Variants in ABCA4 observed in about 807,000 individuals in gnomAD.
The protein encoded by ABCA4 is ATP binding cassette subfamily A member 4, also known as retinal-specific phospholipid-transporting ATPase ABCA4.
ABCA4 carries 196 observed loss-of-function variants against 263.7 expected under a neutral mutation model. The ratio of observed to expected loss-of-function variants is 0.74; its 90% CI spans 0.66 to 0.84. The LOEUF (loss-of-function observed/expected upper bound fraction) is 0.84, where lower values mean the gene tolerates loss of function less well. Among genes scored for constraint, ABCA4 ranks in the 40% least tolerant of loss-of-function variants. The pLI, the probability that ABCA4 is intolerant of heterozygous loss-of-function variation, is 0.00. For missense variants in ABCA4, 2,792 were observed against 2,855.1 expected, an observed-to-expected ratio of 0.98 and a Z score of 0.50; for synonymous variants, 1,133 against 1,094.2, an observed-to-expected ratio of 1.04 and a Z score of -0.70.
intron 37 of ABCA4, among the ~76,000 whole-genome samples, 191 bp downstream of exon 37, chr1:94,015,548 T>C (rs1187447757): frequency 1.3e-5 from 2 of 152,208 alleles, no homozygotes; most frequent in East Asian, 3.9e-4. Context: ...GAGATACCTC[T>C]GTCAGTGGAG....
chr1:94,018,446 GT>G, intron 36 of ABCA4: 1 of 413,290 alleles, frequency 2.4e-6, no homozygotes, highest in Non-Finnish European at 4.8e-6. Flanking sequence ...GTGTTTCCTC[GT>G]GTAGACAGAA....
chr1:94,007,348 G>T (rs1659419293), intron 43 of ABCA4, among the ~76,000 whole-genome samples: 1 of 152,192 alleles, frequency 6.6e-6, no homozygotes, highest in African/African-American at 2.4e-5. Flanking sequence ...TGCTTAAAAG[G>T]TTCCGTGACC....
chr1:94,029,001 AT>A (rs1390959218), intron 30 of ABCA4, among the ~76,000 whole-genome samples: 1 of 151,580 alleles, frequency 6.6e-6, no homozygotes, highest in Non-Finnish European at 1.5e-5. Flanking sequence ...ACATGGATGC[AT>A]GTTCCTAGTA....
chr1:94,008,246 G>T lies in ABCA4; in HGVS notation c.5887C>A (p.Arg1963Ser). 4 of 1,614,120 alleles carry T rather than the reference G, an allele frequency of 2.5e-6. No individual in the cohort carries two copies. In the East Asian group the frequency reaches 6.7e-5, roughly 27 times the overall value. The change falls in exon 42 of 50, where the codon CGC becomes AGC. Residue 1963 changes from arginine (R) to serine (S), a missense_variant. Transcript: ENST00000370225. ...TGCAGAGTACCCACCTCTCCAGGGC[G>T]AACTCCGACACACAGCCTGTCCACT... Reference protein sequence around the residue: ...PAVDRLCVGVRPGECFGLLGV... With the variant: ...PAVDRLCVGVSPGECFGLLGV...
intron 26 of ABCA4, among the ~76,000 whole-genome samples, chr1:94,033,908 C>T (rs1660273635): frequency 6.6e-6 from 1 of 152,066 alleles, no homozygotes; most frequent in Admixed American, 6.5e-5. Flanking sequence ...ATCCCTACTG[C>T]CCCTCCTCTT....
intron 27 of ABCA4, among the ~76,000 whole-genome samples, chr1:94,031,324 G>A (rs941006660): frequency 2.0e-5 from 3 of 152,200 alleles, no homozygotes; most frequent in Non-Finnish European, 1.5e-5. Context: ...TGTTCTGGTG[G>A]CCACTGAAGA....
intron 38 of ABCA4, among the ~76,000 whole-genome samples, chr1:94,013,287 C>T (rs1659603849): frequency 6.6e-6 from 1 of 152,140 alleles, no homozygotes; most frequent in Non-Finnish European, 1.5e-5. Context: ...ACAGATGAGG[C>T]TTCGTTACTT....
chr1:94,111,932 C>T (rs757919645), intron 2 of ABCA4, among the ~76,000 whole-genome samples: 4 of 152,212 alleles, frequency 2.6e-5, no homozygotes, highest in Non-Finnish European at 5.9e-5. Flanking sequence ...CTTGAGCAGA[C>T]GCTCGTCTAT....
chr1:94,044,467 G>A, intron 20 of ABCA4, 146 bp downstream of exon 20: 1 of 1,218,418 alleles, frequency 8.2e-7, no homozygotes, highest in Admixed American at 2.0e-5. Flanking sequence ...TAGGACAAAG[G>A]ACTTTAAACA....
At chr1:94,081,056 C>G in intron 7 of ABCA4, among the ~76,000 whole-genome samples, 1 of 152,078 alleles carries the variant, frequency 6.6e-6, no homozygotes, top group East Asian at 1.9e-4. Flanking sequence ...AACCCCGTCT[C>G]TATTAAAAAT....
In ABCA4 at chr1:94,060,591, C is replaced by T. The variant is rs781359355; in HGVS notation, c.2106G>A (p.Leu702=). The change falls in exon 14 of 50, where the codon CTG becomes CTA. Residue 702 remains leucine, a synonymous_variant. Coordinates refer to ENST00000370225, the MANE Select transcript of ABCA4 (RefSeq NM_000350.3). ...SNAVIWCTWF[L]DSFSIMSMSI... is the part of the protein sequence containing the mutation. ...TCATCGACATGATGGAGAAGCTGTC[C>T]AGGAACCAGGTACACCAAATCACTG... 1.1e-5 allele frequency: 18 copies of T among 1,614,026 alleles called. No individual in the cohort carries two copies. Among genetic ancestry groups the T allele is most frequent in the East Asian group, 2.2e-5 (1 of 44,886 alleles).
chr1:94,098,890 C>A lies in ABCA4; in HGVS notation c.672G>T (p.Thr224=). 6.2e-7 allele frequency: 1 copy of A among 1,614,024 alleles called. No homozygotes were observed. Among genetic ancestry groups the A allele is most frequent in the Non-Finnish European group, 8.5e-7 (1 of 1,180,008 alleles). ...AGAGGGAGCACAGGGCATAGCGCAC[C>A]GTCTTTGCCCCGCGTCTCTGGCTGA... is the stretch of plus-strand genomic sequence containing the variant. ...IIFSQRRGAK[T]VRYALCSLSQ... The change falls in exon 6 of 50, where the codon ACG becomes ACT. Residue 224 remains threonine (T), a synonymous_variant. Transcript: ENST00000370225.
intron 5 of ABCA4, among the ~76,000 whole-genome samples, chr1:94,101,941 C>T (rs918579904): frequency 2.6e-5 from 4 of 152,186 alleles, no homozygotes; most frequent in African/African-American, 9.7e-5. Context: ...TCCTAACAAG[C>T]TCCCAGGCAT....
chr1:94,057,624 C>T (rs1661017082), intron 14 of ABCA4, among the ~76,000 whole-genome samples: 1 of 152,180 alleles, frequency 6.6e-6, no homozygotes. Flanking sequence ...ATTGATCCTC[C>T]CCATCCATGA....
At chr1:94,102,981 C>T (rs1236482989) in intron 5 of ABCA4, 34 bp downstream of exon 5, 2 of 1,613,946 alleles carry the variant, frequency 1.2e-6, no homozygotes, top group Admixed American at 1.7e-5. Flanking sequence ...CTTCCCTCCC[C>T]TCCAGGGACC....
chr1:94,042,908 C>A lies in ABCA4; in HGVS notation c.3191-10G>T. ...TTTCTCTGCATGCCACCTGGAGGCA[C>A]AAGAAGGACGGGAGAGTTAAGGGGC... On this transcript the variant is annotated splice_polypyrimidine_tract_variant and intron_variant, in intron 21 of 49. Transcript: ENST00000370225. 1.2e-6 allele frequency: 2 copies of A among 1,614,142 alleles called. No individual in the cohort carries two copies. The highest frequency in any genetic ancestry group is 1.3e-5 in the African/African-American group (1 of 75,038).
chr1:93,999,694 C>T (rs911540888), intron 47 of ABCA4, among the ~76,000 whole-genome samples: 1 of 152,184 alleles, frequency 6.6e-6, no homozygotes, highest in African/African-American at 2.4e-5. Context: ...CTGTTCTCCT[C>T]TGCAGTAAGA....
At chr1:94,101,061 G>T (rs1557804598) in intron 5 of ABCA4, among the ~76,000 whole-genome samples, 1 of 152,216 alleles carries the variant, frequency 6.6e-6, no homozygotes, top group Non-Finnish European at 1.5e-5. Context: ...GCTCATCAGA[G>T]CCAGCAACAT....
At chr1:93,994,509 G>A (rs1391699313) in intron 49 of ABCA4, among the ~76,000 whole-genome samples, 3 of 152,192 alleles carry the variant, frequency 2.0e-5, no homozygotes, top group African/African-American at 7.2e-5. Flanking sequence ...GAGAGAAATT[G>A]CCTTTTTCTT....
Sources: gnomAD v4.1 joint callset for allele counts (sites outside exome capture counted in the v4.1 genomes callset) on GRCh38, gnomAD v4.1.1 for gene constraint, MANE v1.5 for transcripts, NCBI Gene and HGNC (gene_info 2026-07-23, HGNC 2026-07-21) for gene names.